Variants in TRPS1 observed in about 807,000 individuals in gnomAD.
TRPS1 encodes the protein zinc finger transcription factor Trps1.
Under a neutral mutation model 101.2 loss-of-function variants are expected in TRPS1, and 6 were observed. The ratio of observed to expected loss-of-function variants is 0.06; its 90% confidence interval spans 0.03 to 0.12. The LOEUF (loss-of-function observed/expected upper bound fraction) is 0.12, where lower values mean the gene tolerates loss of function less well. Among genes scored for constraint, TRPS1 ranks in the 10% least tolerant of loss-of-function variants. The pLI is 1.00. For synonymous variants in TRPS1, 578 were observed against 589.8 expected (o/e 0.98, Z 0.29); for missense variants, 1,363 against 1,567.0 (o/e 0.87, Z 2.20).
chr8:115,476,982 CA>C (rs1471544086), intron 5 of TRPS1, among the ~76,000 whole-genome samples: 2 of 152,156 alleles, frequency 1.3e-5, no homozygotes, highest in Non-Finnish European at 2.9e-5. Flanking sequence ...ATCTAAAAAT[CA>C]TATCATAAAT....
At chr8:115,488,722 G>C (rs2130093665) in intron 5 of TRPS1, among the ~76,000 whole-genome samples, 1 of 152,052 alleles carries the variant, frequency 6.6e-6, no homozygotes, top group East Asian at 1.9e-4. Flanking sequence ...TTTTCAAAGA[G>C]CTTCTCTAGA....
At chr8:115,540,011 T>A (rs767247148) in intron 5 of TRPS1, among the ~76,000 whole-genome samples, 1 of 152,242 alleles carries the variant, frequency 6.6e-6, no homozygotes, top group Non-Finnish European at 1.5e-5. Flanking sequence ...TTGCATATGT[T>A]TGGCAACAGA....
intron 5 of TRPS1, among the ~76,000 whole-genome samples, chr8:115,542,169 AT>A (rs1330817805): frequency 6.6e-6 from 1 of 152,172 alleles, no homozygotes; most frequent in African/African-American, 2.4e-5. Flanking sequence ...TACAATTCAA[AT>A]GAGCGCCTTG....
Position 115,623,656 on chromosome 8 carries a change from T to C in TRPS1, c.-19A>G, listed in dbSNP as rs748393533. On this transcript the variant is annotated 5_prime_UTR_variant, in exon 2 of 7. Coordinates refer to ENST00000395715, the MANE Select transcript of TRPS1 (RefSeq NM_014112.5). ...AAGGCATGTGGCTTTAGAGTGCTTT[T>C]TACAATTATTAATTCTATTAGTCAA... is the stretch of plus-strand genomic sequence containing the variant. The C allele has an allele frequency of 6.2e-7, 1 of 1,611,150 alleles. No homozygotes were observed. The highest frequency in any genetic ancestry group is 1.1e-5 in the South Asian group (1 of 90,864).
intron 2 of TRPS1, 87 bp from the exon 3 acceptor site, chr8:115,620,147 G>GT: frequency 7.6e-7 from 1 of 1,320,664 alleles, no homozygotes; most frequent in Non-Finnish European, 1.1e-6. Flanking sequence ...ACTTATGTGA[G>GT]TTTTTTAAGG....
chr8:115,516,995 A>T (rs1815728684), intron 5 of TRPS1, among the ~76,000 whole-genome samples: 1 of 143,298 alleles, frequency 7.0e-6, no homozygotes, highest in African/African-American at 2.6e-5. Context: ...GTTAGTGGTT[A>T]AAAAAAAAAA....
chr8:115,565,421 C>A (rs1817044039), intron 5 of TRPS1, among the ~76,000 whole-genome samples: 1 of 151,872 alleles, frequency 6.6e-6, no homozygotes, highest in African/African-American at 2.4e-5. Context: ...GCCGAGAAGA[C>A]ATGAATTAGA....
chr8:115,540,084 C>T (rs139887538), intron 5 of TRPS1, among the ~76,000 whole-genome samples: 32 of 152,312 alleles, frequency 2.1e-4, no homozygotes, highest in African/African-American at 7.5e-4. Flanking sequence ...ATTCTTTTCT[C>T]ATTCCTTAGA....
chr8:115,441,898 A>AGAGT lies in TRPS1; in HGVS notation c.2701-23447_2701-23446insACTC, dbSNP rs1554620719. On this transcript the variant is annotated intron_variant, in intron 5 of 6. Transcript: ENST00000395715. The stretch of plus-strand genomic sequence containing the variant: ...GAGAGAGAGAGAGAGAGAGAGAGAG[A>AGAGT]GTGTGTGTGTGTGTGTGTGTGTGTG... Among the ~76,000 whole-genome samples the AGAGT allele has an allele frequency of 5.0e-3, 584 of 116,170 alleles. 1 individual carries two copies. The highest frequency in any genetic ancestry group is 6.6e-3 in the Non-Finnish European group (375 of 56,874). 76.2% of individuals were successfully genotyped at this position (116,170 alleles called of 152,430 possible). A position where few individuals can be genotyped will look rare whatever the true frequency, so the allele number is the denominator to read the frequency against.
intron 5 of TRPS1, among the ~76,000 whole-genome samples, chr8:115,469,997 G>T (rs1309175356): frequency 6.6e-6 from 1 of 152,134 alleles, no homozygotes; most frequent in Non-Finnish European, 1.5e-5. Flanking sequence ...ATATGCTTTG[G>T]TCTTTGACAG....
intron 1 of TRPS1, among the ~76,000 whole-genome samples, chr8:115,662,201 A>G (rs1427697976): frequency 6.6e-6 from 1 of 152,128 alleles, no homozygotes; most frequent in Non-Finnish European, 1.5e-5. Context: ...TGTCAAATTT[A>G]TAAGCAGAGA....
chr8:115,525,961 C>T (rs1236983436), intron 5 of TRPS1, among the ~76,000 whole-genome samples: 2 of 152,100 alleles, frequency 1.3e-5, no homozygotes, highest in African/African-American at 4.8e-5. Context: ...AGTGATACCA[C>T]TGGCAGAGTA....
chr8:115,628,742 T>A (rs1420732734), intron 1 of TRPS1, among the ~76,000 whole-genome samples: 3 of 151,850 alleles, frequency 2.0e-5, no homozygotes. Flanking sequence ...CAAGTTTAGC[T>A]AAGCTCTGCC....
At chr8:115,612,231 C>G (rs761960954) in intron 3 of TRPS1, among the ~76,000 whole-genome samples, 13 of 141,290 alleles carry the variant, frequency 9.2e-5, no homozygotes, top group Non-Finnish European at 1.5e-4. Context: ...AGAAAGAGCA[C>G]AAAAAAGAAA....
intron 5 of TRPS1, among the ~76,000 whole-genome samples, chr8:115,450,748 A>G (rs1446622529): frequency 6.6e-6 from 1 of 152,226 alleles, no homozygotes; most frequent in Non-Finnish European, 1.5e-5. Context: ...TTCCACACAC[A>G]TGTGCCTCAT....
chr8:115,577,595 C>A (rs1817348830), intron 5 of TRPS1, among the ~76,000 whole-genome samples: 1 of 152,092 alleles, frequency 6.6e-6, no homozygotes, highest in Admixed American at 6.6e-5. Flanking sequence ...AAAACCCTGA[C>A]TTGACCATTA....
At chr8:115,659,491 TAAA>T (rs1811747091) in intron 1 of TRPS1, among the ~76,000 whole-genome samples, 1 of 151,816 alleles carries the variant, frequency 6.6e-6, no homozygotes, top group South Asian at 2.1e-4. Context: ...AAATAATCGA[TAAA>T]GAATTATGAA....
At chr8:115,422,253 A>G (rs1343577610) in intron 5 of TRPS1, among the ~76,000 whole-genome samples, 5 of 152,182 alleles carry the variant, frequency 3.3e-5, no homozygotes, top group Admixed American at 6.5e-5. Flanking sequence ...TTTTCTTAAA[A>G]TCCCTTTTAA....
intron 1 of TRPS1, among the ~76,000 whole-genome samples, chr8:115,664,266 T>C (rs1392574608): frequency 6.6e-6 from 1 of 152,088 alleles, no homozygotes; most frequent in Non-Finnish European, 1.5e-5. Context: ...AAAACAAACC[T>C]CTACATAATT....
Sources: allele counts gnomAD v4.1 joint callset (sites outside exome capture counted in the v4.1 genomes callset), GRCh38; gene constraint gnomAD v4.1.1; transcripts MANE v1.5; gene names NCBI Gene and HGNC (gene_info 2026-07-23, HGNC 2026-07-21).